The following MIPOL1 variants were observed in gnomAD, a reference collection of about 807,000 sequenced individuals.
MIPOL1 encodes the protein mirror-image polydactyly gene 1 protein.
Under a neutral mutation model 60.9 loss-of-function variants are expected in MIPOL1, and 57 were observed. That is an observed-to-expected ratio of 0.94 (90% CI 0.76 to 1.17). MIPOL1 has a LOEUF of 1.17. MIPOL1 is among the 50% of genes most tolerant of loss of function. The pLI is 0.00. For synonymous variants in MIPOL1, 179 were observed against 168.8 expected (o/e 1.06, Z -0.47); for missense variants, 551 against 511.6 (o/e 1.08, Z -0.74).
intron 1 of MIPOL1, among the ~76,000 whole-genome samples, chr14:37,210,042 T>C (rs1966681642): frequency 6.6e-6 from 1 of 152,130 alleles, no homozygotes; most frequent in African/African-American, 2.4e-5. Context: ...GTAGCTTCCC[T>C]CTTTAATTTA....
chr14:37,250,985 C>G (rs1322795161), intron 3 of MIPOL1, among the ~76,000 whole-genome samples: 1 of 152,032 alleles, frequency 6.6e-6, no homozygotes, highest in African/African-American at 2.4e-5. Context: ...TCATTGTAGA[C>G]ATTTTGGAAA....
intron 1 of MIPOL1, among the ~76,000 whole-genome samples, chr14:37,231,109 T>G (rs971696299): frequency 6.6e-6 from 1 of 152,080 alleles, no homozygotes; most frequent in African/African-American, 2.4e-5. Context: ...TTATTATTAT[T>G]TTTGAGACAA....
intron 1 of MIPOL1, among the ~76,000 whole-genome samples, chr14:37,222,021 T>TA (rs1235013809): frequency 6.6e-6 from 1 of 152,048 alleles, no homozygotes; most frequent in South Asian, 2.1e-4. Flanking sequence ...ACAAATCAGA[T>TA]ACAGTTGAAA....
intron 9 of MIPOL1, among the ~76,000 whole-genome samples, chr14:37,331,879 G>A (rs942052281): frequency 4.6e-5 from 7 of 152,196 alleles, no homozygotes; most frequent in African/African-American, 1.2e-4. Flanking sequence ...GGCCAGGCAC[G>A]GTGCTTCACG....
intron 10 of MIPOL1, among the ~76,000 whole-genome samples, chr14:37,410,923 C>T (rs1393487727): frequency 1.3e-5 from 2 of 151,744 alleles, no homozygotes; most frequent in Non-Finnish European, 2.9e-5. Context: ...TAACATAGAA[C>T]TAGCGAGGAA....
chr14:37,385,305 T>C (rs972694340), intron 10 of MIPOL1, among the ~76,000 whole-genome samples: 5 of 152,130 alleles, frequency 3.3e-5, no homozygotes, highest in African/African-American at 1.2e-4. Flanking sequence ...TGCTAGAGAT[T>C]ACAGAACAAC....
intron 10 of MIPOL1, among the ~76,000 whole-genome samples, chr14:37,389,849 T>G (rs1234447340): frequency 6.6e-6 from 1 of 151,474 alleles, no homozygotes; most frequent in Non-Finnish European, 1.5e-5. Context: ...CTGCACAGGT[T>G]TGGAGATTAA....
chr14:37,484,296 C>T (rs372969203), intron 11 of MIPOL1, among the ~76,000 whole-genome samples: 5 of 150,898 alleles, frequency 3.3e-5, no homozygotes, highest in East Asian at 1.9e-4. Context: ...CTATCCTCTT[C>T]CATTTCTCCT....
chr14:37,399,382 C>T (rs2093438873), intron 10 of MIPOL1, among the ~76,000 whole-genome samples: 1 of 152,136 alleles, frequency 6.6e-6, no homozygotes, highest in Non-Finnish European at 1.5e-5. Context: ...ATCCCAGGTT[C>T]TTTTCTGTAC....
chr14:37,457,510 T>C (rs2094490395), intron 11 of MIPOL1, among the ~76,000 whole-genome samples: 1 of 152,162 alleles, frequency 6.6e-6, no homozygotes, highest in Non-Finnish European at 1.5e-5. Flanking sequence ...TAATCTTCTC[T>C]CCCTCACTCA....
At chr14:37,441,384 T>C (rs1325701028) in intron 11 of MIPOL1, among the ~76,000 whole-genome samples, 5 of 152,184 alleles carry the variant, frequency 3.3e-5, no homozygotes, top group African/African-American at 1.2e-4. Flanking sequence ...TATATTTAAG[T>C]ATTTAATCCA....
intron 3 of MIPOL1, among the ~76,000 whole-genome samples, chr14:37,259,864 A>G (rs2082394719): frequency 6.6e-6 from 1 of 152,142 alleles, no homozygotes; most frequent in Non-Finnish European, 1.5e-5. Flanking sequence ...GCTGATCTAT[A>G]TGATTAAACA....
chr14:37,484,384 C>T (rs970099694), intron 11 of MIPOL1, among the ~76,000 whole-genome samples: 6 of 134,264 alleles, frequency 4.5e-5, no homozygotes, highest in African/African-American at 1.7e-4. Context: ...TGTCACCAGG[C>T]TGGAGTGCAG....
Position 37,460,667 on chromosome 14 carries a change from G to A in MIPOL1, c.1031+37718G>A, listed in dbSNP as rs559608275. Among the ~76,000 whole-genome samples, 7 of 152,242 alleles carry A rather than the reference G, an allele frequency of 4.6e-5. No individual in the cohort carries two copies. In the East Asian group the frequency reaches 1.4e-3, roughly 29 times the overall value. ...ATAAATGACTTCAGTAAAGTTTCGGGATACAAAGACAATGTATAAAATCAG... is the reference window on the plus strand; with the variant it reads ...ATAAATGACTTCAGTAAAGTTTCGGAATACAAAGACAATGTATAAAATCAG... On this transcript the variant is annotated intron_variant, in intron 11 of 12. Transcript: ENST00000684589.
At chr14:37,442,324 T>G (rs887409501) in intron 11 of MIPOL1, among the ~76,000 whole-genome samples, 2 of 152,088 alleles carry the variant, frequency 1.3e-5, no homozygotes, top group African/African-American at 2.4e-5. Flanking sequence ...CAAAGAGAGA[T>G]GGTTTGACTT....
chr14:37,391,855 A>G (rs559146111), intron 10 of MIPOL1, among the ~76,000 whole-genome samples: 1 of 152,292 alleles, frequency 6.6e-6, no homozygotes, highest in South Asian at 2.1e-4. Flanking sequence ...TTAGACTGTT[A>G]TAAGGCAGGA....
At chr14:37,537,401 A>T in intron 12 of MIPOL1, among the ~76,000 whole-genome samples, 1 of 151,666 alleles carries the variant, frequency 6.6e-6, no homozygotes, top group East Asian at 1.9e-4. Flanking sequence ...GCTAGTGTCA[A>T]TTTTTTTTGC....
At chr14:37,208,816 C>A (rs796595762) in intron 1 of MIPOL1, among the ~76,000 whole-genome samples, 2 of 152,148 alleles carry the variant, frequency 1.3e-5, no homozygotes, top group South Asian at 4.1e-4. Context: ...GTCTCAAACT[C>A]CTGTTGTCAA....
At chr14:37,391,983 A>G (rs1306050412) in intron 10 of MIPOL1, among the ~76,000 whole-genome samples, 1 of 152,202 alleles carries the variant, frequency 6.6e-6, no homozygotes, top group Non-Finnish European at 1.5e-5. Context: ...TAAATATTAA[A>G]GTAATAAACA....
Sources: gnomAD v4.1 joint callset for allele counts (sites outside exome capture counted in the v4.1 genomes callset) on GRCh38, gnomAD v4.1.1 for gene constraint, MANE v1.5 for transcripts, NCBI Gene and HGNC (gene_info 2026-07-23, HGNC 2026-07-21) for gene names.